Variants in NTS observed in about 807,000 individuals in gnomAD.
NTS encodes the protein neurotensin/neuromedin N.
Under a neutral mutation model 19.5 loss-of-function variants are expected in NTS, and 20 were observed. The ratio of observed to expected loss-of-function variants is 1.02; its 90% CI spans 0.72 to 1.49. NTS has a LOEUF of 1.49. Ranked by LOEUF, NTS falls within the 40% of genes most tolerant of loss-of-function variation. The pLI is 0.00. For synonymous variants in NTS, 71 were observed against 63.3 expected (o/e 1.12, Z -0.58); for missense variants, 215 against 193.1 (o/e 1.11, Z -0.67).
intron 2 of NTS, among the ~76,000 whole-genome samples, chr12:85,876,966 A>G (rs1330999250): frequency 6.6e-6 from 1 of 152,118 alleles, no homozygotes; most frequent in East Asian, 1.9e-4. Context: ...AAATGTTTTT[A>G]AAGGAACTTG....
In NTS at chr12:85,882,766, T is replaced by C. The variant is rs1384530050; in HGVS notation, c.*391T>C. ...AAGTAATAGCGCCTCTTTTATTATT[T>C]TGACTGAATGTTTTATGGAATTGAA... is the stretch of plus-strand genomic sequence containing the variant. On this transcript the variant is annotated 3_prime_UTR_variant, in exon 4 of 4. Transcript: ENST00000256010. 6.5e-6 allele frequency: 1 copy of C among 153,270 alleles called. No homozygotes were observed. The highest frequency in any genetic ancestry group is 2.4e-5 in the African/African-American group (1 of 41,496). The allele number at this position is 153,270 out of a possible 1,614,324, so 9.5% of individuals were successfully genotyped here.
Position 85,882,311 on chromosome 12 carries a change from G to T in NTS, c.449G>T (p.Arg150Leu), listed in dbSNP as rs563452062. 6.2e-6 allele frequency: 10 copies of T among 1,608,058 alleles called. No individual in the cohort carries two copies. The highest frequency in any genetic ancestry group is 8.5e-6 in the Non-Finnish European group (10 of 1,177,396). Residue 150 changes from arginine (R) to leucine (L), a missense_variant, in exon 4 of 4, where the codon CGG (arginine) becomes CTG (leucine). By Grantham distance (102) the Arg-to-Leu change is moderately radical. Coordinates refer to ENST00000256010, the MANE Select transcript of NTS (RefSeq NM_006183.5). ...IKRKIPYILK[R>L]QLYENKPRRP... ...AGAAAAATTCCTTATATTCTGAAACGGCAGCTGTATGAGAATAAACCCAGA... is the reference window on the plus strand; with the variant it reads ...AGAAAAATTCCTTATATTCTGAAACTGCAGCTGTATGAGAATAAACCCAGA...
intron 1 of NTS, among the ~76,000 whole-genome samples, chr12:85,875,706 A>AAT (rs1881326427): frequency 6.6e-6 from 1 of 152,050 alleles, no homozygotes; most frequent in Non-Finnish European, 1.5e-5. Context: ...GTAATAATGC[A>AAT]ATAGTTATAA....
chr12:85,882,875 AGATT>A lies in NTS; in HGVS notation c.*505_*508del, dbSNP rs139226362. On this transcript the variant is annotated 3_prime_UTR_variant, in exon 4 of 4. Transcript: ENST00000256010. ...TTGTGATAAAATAGGAACAGCTGAA[AGATT>A]GATTAATGAACTATTGTTAATTCTT... The A allele has an allele frequency of 0.077, 11,696 of 152,128 alleles. 628 individuals carry two copies. The highest frequency in any genetic ancestry group is 0.21 in the Middle Eastern group (63 of 294). The allele number at this position is 152,128 out of a possible 1,614,324, so 9.4% of individuals were successfully genotyped here.
At chr12:85,876,583 T>C in intron 1 of NTS, 57 bp from the exon 2 acceptor site, 1 of 1,013,862 alleles carries the variant, frequency 9.9e-7, no homozygotes, top group Admixed American at 2.3e-5. Flanking sequence ...AATCTGTAGA[T>C]TATGATATAA....
intron 3 of NTS, among the ~76,000 whole-genome samples, chr12:85,879,045 CATAAAATA>C (rs1881414248): frequency 7.9e-6 from 1 of 126,424 alleles, no homozygotes; most frequent in Admixed American, 7.9e-5. Context: ...TTTTTATGTA[CATAAAATA>C]TATTTTTATG....
At position 85,878,331 on chromosome 12, in the gene NTS, T is replaced by C. The variant is rs1230528248; in HGVS notation, c.136-14T>C. On this transcript the variant is annotated splice_polypyrimidine_tract_variant and intron_variant, in intron 2 of 3. Transcript: ENST00000256010. ...ACAAGTTTTAATTGCAGGGGTTTTTTTAATATATTTCAGATTAGTAAAGCA... is the reference window on the plus strand; with the variant it reads ...ACAAGTTTTAATTGCAGGGGTTTTTCTAATATATTTCAGATTAGTAAAGCA... 6 of 1,545,006 alleles carry C rather than the reference T, an allele frequency of 3.9e-6. No individual in the cohort carries two copies. In the African/African-American group the frequency reaches 5.5e-5, roughly 14 times the overall value.
At chr12:85,879,180 ATATATTTTTATG>A (rs1432455966) in intron 3 of NTS, among the ~76,000 whole-genome samples, 20 of 120,360 alleles carry the variant, frequency 1.7e-4, no homozygotes, top group African/African-American at 5.8e-4. Flanking sequence ...TGTACGTAAA[ATATATTTTTATG>A]TATATTTTAT....
intron 3 of NTS, 103 bp from the exon 4 acceptor site, chr12:85,882,120 T>A: frequency 1.1e-6 from 1 of 886,356 alleles, no homozygotes; most frequent in South Asian, 1.6e-5. Flanking sequence ...CACCTACATA[T>A]GTCTTGCTGT....
chr12:85,882,332 CCAGAAGACCCTA>C lies in NTS; in HGVS notation c.473_484del (p.Arg158_Tyr161del), dbSNP rs756341852. On this transcript the variant is annotated inframe_deletion, in exon 4 of 4. Coordinates refer to ENST00000256010, the MANE Select transcript of NTS (RefSeq NM_006183.5). ...AAACGGCAGCTGTATGAGAATAAAC[CCAGAAGACCCTA>C]CATACTCAAAAGAGATTCTTACTAT... The C allele has an allele frequency of 5.6e-5, 89 of 1,603,260 alleles. No homozygotes were observed. The Middle Eastern group carries it at 2.7e-3, about 48-fold the overall frequency.
Position 85,874,411 on chromosome 12 carries a change from C to A in NTS, c.8C>A (p.Ala3Glu). The change falls in exon 1 of 4, where the codon GCA (alanine) becomes GAA (glutamate). Residue 3 changes from alanine (A) to glutamate (E), a missense_variant. Coordinates refer to ENST00000256010, the MANE Select transcript of NTS (RefSeq NM_006183.5). ...TTGTTAGAAGGCTGAAAGATGATGG[C>A]AGGAATGAAAATCCAGCTTGTATGC... Reference protein sequence around the residue: MMAGMKIQLVCML... With the variant: MMEGMKIQLVCML... 6.2e-7 allele frequency: 1 copy of A among 1,612,804 alleles called. No individual in the cohort carries two copies. The highest frequency in any genetic ancestry group is 8.5e-7 in the Non-Finnish European group (1 of 1,178,900).
Position 85,878,345 on chromosome 12 carries a change from A to G in NTS, c.136A>G (p.Ile46Val). 6.3e-7 allele frequency: 1 copy of G among 1,576,034 alleles called. No individual in the cohort carries two copies. The highest frequency in any genetic ancestry group is 8.6e-7 in the Non-Finnish European group (1 of 1,160,804). ...DFLTNMHTSK[I>V]SKAHVPSWKM... is the part of the protein sequence containing the mutation. ...CAGGGGTTTTTTTAATATATTTCAG[A>G]TTAGTAAAGCACATGTTCCCTCTTG... Residue 46 changes from isoleucine to valine, a missense_variant and splice_region_variant, in exon 3 of 4, where the codon ATT becomes GTT. Transcript: ENST00000256010.
At chr12:85,874,598 T>C (rs1376378725) in intron 1 of NTS, 122 bp downstream of exon 1, 2 of 582,142 alleles carry the variant, frequency 3.4e-6, no homozygotes, top group Non-Finnish European at 6.2e-6. Context: ...AGGATTTACC[T>C]TTTAGTGACA....
At position 85,874,362 on chromosome 12, in the gene NTS, G is replaced by A. The variant is rs142420800; in HGVS notation, c.-42G>A. On this transcript the variant is annotated 5_prime_UTR_variant, in exon 1 of 4. Transcript: ENST00000256010. ...TGCTAGAGAGAGCCCCCTTCAGTGTGCTTCTGACTTTTACGGACTTGGCTT... is the reference window on the plus strand; with the variant it reads ...TGCTAGAGAGAGCCCCCTTCAGTGTACTTCTGACTTTTACGGACTTGGCTT... 5 of 1,456,834 alleles carry A rather than the reference G, an allele frequency of 3.4e-6. No individual in the cohort carries two copies. In the East Asian group the frequency reaches 1.1e-4, roughly 33 times the overall value. The allele number at this position is 1,456,834 out of a possible 1,614,324, so 90.2% of individuals were successfully genotyped here.
At chr12:85,880,183 A>G (rs1172656913) in intron 3 of NTS, among the ~76,000 whole-genome samples, 1 of 151,982 alleles carries the variant, frequency 6.6e-6, no homozygotes, top group Admixed American at 6.6e-5. Context: ...AATACACACA[A>G]AACTTAGTGT....
intron 2 of NTS, chr12:85,878,096 C>T (rs1043461303): frequency 1.4e-5 from 4 of 285,722 alleles, no homozygotes; most frequent in Non-Finnish European, 1.3e-5. Context: ...TGCTTTCTTA[C>T]TTTGCTCTGT....
intron 1 of NTS, among the ~76,000 whole-genome samples, chr12:85,876,103 GTAC>G (rs1881335904): frequency 7.8e-6 from 1 of 128,456 alleles, no homozygotes; most frequent in Non-Finnish European, 1.7e-5. Flanking sequence ...TTCTCTTAAA[GTAC>G]AATACAATTC....
chr12:85,882,251 G>A lies in NTS; in HGVS notation c.389G>A (p.Gly130Glu), dbSNP rs2136595335. 1 of 1,601,790 alleles carries A rather than the reference G, an allele frequency of 6.2e-7. No homozygotes were observed. The highest frequency in any genetic ancestry group is 8.5e-7 in the Non-Finnish European group (1 of 1,175,218). The change falls in exon 4 of 4, where the codon GGA becomes GAA. Residue 130 changes from glycine to glutamate, a missense_variant. Gly to Glu is a moderately conservative substitution (Grantham distance 98). Coordinates refer to ENST00000256010, the MANE Select transcript of NTS (RefSeq NM_006183.5). ...ELIQEDILDT[G>E]NDKNGKEEVI... ...ATCCAGGAAGATATTCTTGATACTG[G>A]AAATGACAAAAATGGAAAGGAAGAA...
At chr12:85,879,678 TA>T (rs1195055110) in intron 3 of NTS, among the ~76,000 whole-genome samples, 2 of 135,688 alleles carry the variant, frequency 1.5e-5, no homozygotes, top group Non-Finnish European at 3.1e-5. Flanking sequence ...TTTATGTATA[TA>T]AAATATATTT....
Sources: gnomAD v4.1 joint callset for allele counts (sites outside exome capture counted in the v4.1 genomes callset) on GRCh38, gnomAD v4.1.1 for gene constraint, MANE v1.5 for transcripts, NCBI Gene and HGNC (gene_info 2026-07-23, HGNC 2026-07-21) for gene names.